CACNA2D3: variants seen among roughly 807,000 people sequenced by gnomAD.
The protein encoded by CACNA2D3 is voltage-dependent calcium channel subunit alpha-2/delta-3.
Under a neutral mutation model 160.6 loss-of-function variants are expected in CACNA2D3, and 60 were observed. That is an observed-to-expected ratio of 0.37 (90% CI 0.30 to 0.46). CACNA2D3 has a LOEUF of 0.46. Among genes scored for constraint, CACNA2D3 ranks in the 20% least tolerant of loss-of-function variants. The probability of loss-of-function intolerance (pLI) is 1.00; values close to 1 mark genes in which losing one functional copy is unlikely to be tolerated. For synonymous variants in CACNA2D3, 558 were observed against 492.9 expected (o/e 1.13, Z -1.75); for missense variants, 1,205 against 1,365.0 (o/e 0.88, Z 1.85).
At chr3:54,809,108 C>G (rs551261348) in intron 13 of CACNA2D3, among the ~76,000 whole-genome samples, 65 of 152,100 alleles carry the variant, frequency 4.3e-4, no homozygotes, top group Non-Finnish European at 8.4e-4. Flanking sequence ...GTTCTTATGG[C>G]TACTAAGTGG....
At chr3:54,532,684 C>A (rs1701823579) in intron 5 of CACNA2D3, among the ~76,000 whole-genome samples, 1 of 152,118 alleles carries the variant, frequency 6.6e-6, no homozygotes, top group South Asian at 2.1e-4. Flanking sequence ...CATACATTTT[C>A]TTTATCCAGT....
chr3:54,900,491 G>A (rs1427434927), intron 27 of CACNA2D3, among the ~76,000 whole-genome samples: 2 of 152,146 alleles, frequency 1.3e-5, no homozygotes, highest in Non-Finnish European at 1.5e-5. Context: ...TTCATTGGTG[G>A]CATTTGGCCT....
chr3:54,931,919 G>A (rs1027060062), intron 27 of CACNA2D3, among the ~76,000 whole-genome samples: 6 of 152,120 alleles, frequency 3.9e-5, no homozygotes, highest in African/African-American at 9.7e-5. Context: ...AGTGGTTCAC[G>A]CTTGCAATCC....
chr3:54,964,409 ATT>A, intron 27 of CACNA2D3, among the ~76,000 whole-genome samples: 1 of 150,254 alleles, frequency 6.7e-6, no homozygotes, highest in South Asian at 2.1e-4. Flanking sequence ...AGGAATGGTG[ATT>A]TTTTTTTTTC....
intron 2 of CACNA2D3, among the ~76,000 whole-genome samples, chr3:54,128,908 G>A (rs1699651406): frequency 6.6e-6 from 1 of 152,110 alleles, no homozygotes; most frequent in African/African-American, 2.4e-5. Flanking sequence ...AGACATAACG[G>A]CCTAGGTTTC....
At chr3:54,996,714 G>A (rs1702866144) in intron 31 of CACNA2D3, among the ~76,000 whole-genome samples, 2 of 152,162 alleles carry the variant, frequency 1.3e-5, no homozygotes, top group African/African-American at 4.8e-5. Context: ...CCCTGAATGT[G>A]TCCAGACTGG....
chr3:54,929,351 G>T (rs1200259083), intron 27 of CACNA2D3, among the ~76,000 whole-genome samples: 2 of 152,202 alleles, frequency 1.3e-5, no homozygotes, highest in Non-Finnish European at 2.9e-5. Context: ...AACTTCTGAG[G>T]ACAACCTGGA....
intron 2 of CACNA2D3, among the ~76,000 whole-genome samples, chr3:54,157,706 G>A (rs993548558): frequency 8.6e-5 from 13 of 152,012 alleles, no homozygotes; most frequent in African/African-American, 2.9e-4. Flanking sequence ...CAGGAGGATC[G>A]CTTGAACCCG....
chr3:54,440,391 A>G (rs896142511), intron 4 of CACNA2D3, among the ~76,000 whole-genome samples: 2 of 152,192 alleles, frequency 1.3e-5, no homozygotes, highest in Admixed American at 6.5e-5. Flanking sequence ...GCAAACAACT[A>G]TTCTGTAAGA....
intron 2 of CACNA2D3, among the ~76,000 whole-genome samples, chr3:54,222,645 G>A (rs1217116201): frequency 6.6e-6 from 1 of 152,108 alleles, no homozygotes; most frequent in Non-Finnish European, 1.5e-5. Context: ...ATTGACCTTA[G>A]GGTCATTTAT....
chr3:54,509,594 A>G (rs1427282587), intron 5 of CACNA2D3, among the ~76,000 whole-genome samples: 1 of 152,152 alleles, frequency 6.6e-6, no homozygotes, highest in African/African-American at 2.4e-5. Flanking sequence ...CTCCTCGCAC[A>G]TGGTCTGTTG....
At chr3:54,929,918 A>G (rs1374851660) in intron 27 of CACNA2D3, among the ~76,000 whole-genome samples, 2 of 152,178 alleles carry the variant, frequency 1.3e-5, no homozygotes, top group Non-Finnish European at 2.9e-5. Flanking sequence ...TCCTTCTAAG[A>G]ACTAGAAAGT....
In CACNA2D3 at chr3:54,749,384, C is replaced by T. The variant is rs1027984631; in HGVS notation, c.1168-3215C>T. Reference sequence around the variant, plus strand: ...CTTTACAAGTAATGAAGGTGAACATCCTTGTACTTTTAATTGTGTATTTTT... The same window carrying T: ...CTTTACAAGTAATGAAGGTGAACATTCTTGTACTTTTAATTGTGTATTTTT... On this transcript the variant is annotated intron_variant, in intron 11 of 37. Transcript: ENST00000474759. Among the ~76,000 whole-genome samples the T allele has an allele frequency of 7.9e-5, 12 of 152,224 alleles. No homozygotes were observed. The East Asian group carries it at 1.9e-3, about 24-fold the overall frequency.
At chr3:54,963,290 G>A (rs1343313285) in intron 27 of CACNA2D3, among the ~76,000 whole-genome samples, 1 of 152,038 alleles carries the variant, frequency 6.6e-6, no homozygotes, top group East Asian at 1.9e-4. Flanking sequence ...AGTATGGACG[G>A]GTTTGTGGAG....
chr3:54,294,184 G>A (rs1703276757), intron 2 of CACNA2D3, among the ~76,000 whole-genome samples: 1 of 152,200 alleles, frequency 6.6e-6, no homozygotes, highest in African/African-American at 2.4e-5. Flanking sequence ...CTAAGTAACA[G>A]CCTGTCCCAC....
intron 9 of CACNA2D3, among the ~76,000 whole-genome samples, chr3:54,618,374 T>TATATATATATATATACACACAC: frequency 1.8e-5 from 1 of 54,586 alleles, no homozygotes; most frequent in African/African-American, 1.1e-4. Flanking sequence ...TATATATATA[T>TATATATATATATATACACACAC]GCACACACAC....
At chr3:54,763,802 CATATATATACATATATATATACGT>C (rs1333623078) in intron 12 of CACNA2D3, among the ~76,000 whole-genome samples, 337 of 13,164 alleles carry the variant, frequency 0.026, 38 homozygotes, top group African/African-American at 0.034. Context: ...TATATATGTA[CATATATATACATATATATATACGT>C]ATATATATGT....
At chr3:54,609,631 G>C (rs1247812647) in intron 9 of CACNA2D3, among the ~76,000 whole-genome samples, 1 of 152,108 alleles carries the variant, frequency 6.6e-6, no homozygotes, top group Non-Finnish European at 1.5e-5. Flanking sequence ...CAGAGAGGAG[G>C]GGGTTTTGTG....
chr3:54,565,244 A>C (rs375605391), intron 6 of CACNA2D3, among the ~76,000 whole-genome samples: 5 of 152,138 alleles, frequency 3.3e-5, no homozygotes, highest in African/African-American at 9.7e-5. Flanking sequence ...ATCAGTGACC[A>C]CCATGGGGAG....
Sources: gnomAD v4.1 joint callset for allele counts (sites outside exome capture counted in the v4.1 genomes callset) on GRCh38, gnomAD v4.1.1 for gene constraint, MANE v1.5 for transcripts, NCBI Gene and HGNC (gene_info 2026-07-23, HGNC 2026-07-21) for gene names.